The following SLC35F3 variants were observed in gnomAD, a reference collection of about 807,000 sequenced individuals.
SLC35F3 encodes the protein putative thiamine transporter SLC35F3.
A neutral mutation model predicts 49.9 loss-of-function variants in SLC35F3; 25 were observed. That is an observed-to-expected ratio of 0.50 (90% confidence interval 0.37 to 0.70). The LOEUF is 0.70. Ranked by LOEUF, SLC35F3 falls within the 30% of genes least tolerant of loss-of-function variation. The pLI is 0.00. For missense variants in SLC35F3, 525 were observed against 639.8 expected (o/e 0.82, Z 1.94); for synonymous variants, 275 against 265.4 (o/e 1.04, Z -0.35).
intron 2 of SLC35F3, among the ~76,000 whole-genome samples, chr1:233,975,723 C>T (rs763229122): frequency 2.0e-5 from 3 of 152,170 alleles, no homozygotes. Flanking sequence ...GGGCGACATG[C>T]GTCGGCCAGC....
chr1:233,920,510 G>A (rs2102787206), intron 2 of SLC35F3, among the ~76,000 whole-genome samples: 1 of 152,332 alleles, frequency 6.6e-6, no homozygotes, highest in Admixed American at 6.5e-5. Context: ...ACACATCCAG[G>A]AGTGGGATGT....
chr1:234,108,693 A>T (rs1249435012), intron 2 of SLC35F3, among the ~76,000 whole-genome samples: 16 of 121,746 alleles, frequency 1.3e-4, no homozygotes, highest in South Asian at 2.5e-4. Flanking sequence ...TTTATATATA[A>T]AATATATATT....
intron 2 of SLC35F3, among the ~76,000 whole-genome samples, chr1:234,221,693 G>A (rs72760029): frequency 0.037 from 5,562 of 152,276 alleles, 150 homozygotes; most frequent in Middle Eastern, 0.095. Context: ...AAGACATCAT[G>A]TAGCTCAGGA....
At chr1:233,963,192 G>T (rs1050546301) in intron 2 of SLC35F3, among the ~76,000 whole-genome samples, 1 of 152,160 alleles carries the variant, frequency 6.6e-6, no homozygotes. Flanking sequence ...AATGTTGGGG[G>T]TGGGTACTTC....
chr1:234,126,683 T>TTTTC (rs150185857), intron 2 of SLC35F3, among the ~76,000 whole-genome samples: 13,638 of 151,898 alleles, frequency 0.09, 1,121 homozygotes, highest in African/African-American at 0.22. Flanking sequence ...TAATGTTTTC[T>TTTTC]TTTCTTTCTT....
intron 2 of SLC35F3, among the ~76,000 whole-genome samples, chr1:234,143,424 G>A: frequency 6.6e-6 from 1 of 151,836 alleles, no homozygotes; most frequent in East Asian, 1.9e-4. Flanking sequence ...AAGTAGCTGG[G>A]ATTATAGGTG....
At chr1:234,310,407 C>T (rs375437070) in intron 4 of SLC35F3, among the ~76,000 whole-genome samples, 25 of 152,200 alleles carry the variant, frequency 1.6e-4, no homozygotes, top group Admixed American at 2.6e-4. Flanking sequence ...GCAGTGGGGA[C>T]GTGAGTCAAC....
chr1:233,964,539 C>T (rs1662865518), intron 2 of SLC35F3, among the ~76,000 whole-genome samples: 1 of 152,200 alleles, frequency 6.6e-6, no homozygotes, highest in South Asian at 2.1e-4. Flanking sequence ...AGCAAGATGG[C>T]TTCAAGAATC....
chr1:234,077,949 G>A (rs571131499), intron 2 of SLC35F3, among the ~76,000 whole-genome samples: 1 of 152,154 alleles, frequency 6.6e-6, no homozygotes, highest in Non-Finnish European at 1.5e-5. Context: ...TATGAAAGAT[G>A]TCAGGGAGGA....
chr1:234,007,409 C>T (rs556929324), intron 2 of SLC35F3, among the ~76,000 whole-genome samples: 1 of 152,240 alleles, frequency 6.6e-6, no homozygotes, highest in Admixed American at 6.5e-5. Context: ...GGGCCAAGTT[C>T]CTCCTGCGGA....
In SLC35F3 at chr1:234,097,090, C is replaced by T. The variant is rs571042691; in HGVS notation, c.284-134327C>T. Among the ~76,000 whole-genome samples the T allele has an allele frequency of 1.1e-3, 165 of 152,080 alleles. 2 individuals carry two copies. In the South Asian group the frequency reaches 0.022, roughly 21 times the overall value. On this transcript the variant is annotated intron_variant, in intron 2 of 7. Coordinates refer to ENST00000366618, the MANE Select transcript of SLC35F3 (RefSeq NM_173508.4). Reference sequence around the variant, plus strand: ...TTTTAGTAGAGACAGGGTTTCTTCACGTTGGTCAGGCTGGTCTCGAACTCC... The same window carrying T: ...TTTTAGTAGAGACAGGGTTTCTTCATGTTGGTCAGGCTGGTCTCGAACTCC...
intron 2 of SLC35F3, among the ~76,000 whole-genome samples, chr1:234,059,629 TAGACATAGA>T (rs766778327): frequency 0.29 from 19,501 of 67,492 alleles, 1,573 homozygotes; most frequent in Non-Finnish European, 0.44. Flanking sequence ...GACATAGACA[TAGACATAGA>T]CATAGACATA....
intron 2 of SLC35F3, among the ~76,000 whole-genome samples, chr1:234,065,348 C>A (rs551444201): frequency 6.6e-6 from 1 of 152,192 alleles, no homozygotes; most frequent in African/African-American, 2.4e-5. Context: ...GCGGTTTCAC[C>A]GTGTTAGCCA....
intron 2 of SLC35F3, among the ~76,000 whole-genome samples, chr1:234,176,385 A>AC (rs373589269): frequency 1.3e-5 from 2 of 152,332 alleles, no homozygotes; most frequent in African/African-American, 4.8e-5. Context: ...CCCAACCTGG[A>AC]CAAAGGAAGA....
At position 234,214,284 on chromosome 1, in the gene SLC35F3, G is replaced by C. The variant is rs1667081155; in HGVS notation, c.284-17133G>C. On this transcript the variant is annotated intron_variant, in intron 2 of 7. Coordinates refer to ENST00000366618, the MANE Select transcript of SLC35F3 (RefSeq NM_173508.4). The surrounding 1 kb of genome is among the most constrained non-coding windows in gnomAD (Gnocchi z 8.0). Reference sequence around the variant, plus strand: ...TGTGTGTGGAGTGGCTGCGCGGCCGGGGAGGATGTGCGCTGCAGGGCGGCC... The same window carrying C: ...TGTGTGTGGAGTGGCTGCGCGGCCGCGGAGGATGTGCGCTGCAGGGCGGCC... The C allele has an allele frequency of 1.6e-6, 2 of 1,276,304 alleles. No individual in the cohort carries two copies. The highest frequency in any genetic ancestry group is 2.0e-6 in the Non-Finnish European group (2 of 1,014,958). The allele number at this position is 1,276,304 out of a possible 1,614,324, so 79.1% of individuals were successfully genotyped here.
At chr1:234,220,880 T>C (rs1265797277) in intron 2 of SLC35F3, among the ~76,000 whole-genome samples, 1 of 152,096 alleles carries the variant, frequency 6.6e-6, no homozygotes, top group East Asian at 1.9e-4. Flanking sequence ...TTGAGGCCAA[T>C]GCCTGCAAAC....
At chr1:233,976,945 T>G (rs1373137377) in intron 2 of SLC35F3, among the ~76,000 whole-genome samples, 1 of 152,220 alleles carries the variant, frequency 6.6e-6, no homozygotes, top group Non-Finnish European at 1.5e-5. Flanking sequence ...ATCATCCAAA[T>G]GTGATACTGG....
At chr1:234,282,723 C>T (rs1308341243) in intron 3 of SLC35F3, among the ~76,000 whole-genome samples, 3 of 152,212 alleles carry the variant, frequency 2.0e-5, no homozygotes, top group Admixed American at 6.5e-5. Flanking sequence ...TAAGGTCCCC[C>T]ATTTAGCTCC....
chr1:234,135,894 G>A (rs1665802424), intron 2 of SLC35F3, among the ~76,000 whole-genome samples: 2 of 152,236 alleles, frequency 1.3e-5, no homozygotes, highest in South Asian at 4.1e-4. Context: ...AAACTTGCAA[G>A]CAAGCCTTTT....
Sources: gnomAD v4.1 joint callset for allele counts (sites outside exome capture counted in the v4.1 genomes callset) on GRCh38, gnomAD v4.1.1 for gene constraint, Gnocchi (gnomAD v3.1) non-coding constraint, MANE v1.5 for transcripts, NCBI Gene and HGNC (gene_info 2026-07-23, HGNC 2026-07-21) for gene names.